Variants in PTPRT observed in about 807,000 individuals in gnomAD.
The protein encoded by PTPRT is receptor-type tyrosine-protein phosphatase T.
Under a neutral mutation model 176.8 loss-of-function variants are expected in PTPRT, and 56 were observed. The observed-to-expected ratio is 0.32, with a 90% confidence interval of 0.26 to 0.40. PTPRT has a LOEUF of 0.40. PTPRT is among the 10% of genes least tolerant of loss of function. The probability of loss-of-function intolerance (pLI) is 1.00; values close to 1 mark genes in which losing one functional copy is unlikely to be tolerated. For synonymous variants in PTPRT, 783 were observed against 739.0 expected, an observed-to-expected ratio of 1.06 and a Z score of -0.96; for missense variants, 1,540 against 1,908.2, an observed-to-expected ratio of 0.81 and a Z score of 3.60.
downstream of PTPRT, among the ~76,000 whole-genome samples, chr20:42,070,893 A>T (rs1368006230): frequency 1.3e-5 from 2 of 152,140 alleles, no homozygotes; most frequent in Non-Finnish European, 2.9e-5. Flanking sequence ...AGTGGGAGTT[A>T]TGTGAGATTT....
intron 13 of PTPRT, among the ~76,000 whole-genome samples, chr20:42,274,101 T>C (rs1452694654): frequency 1.3e-5 from 2 of 152,236 alleles, no homozygotes; most frequent in Admixed American, 6.5e-5. Context: ...TATATGGTTC[T>C]AGAGATGTCT....
chr20:42,520,866 T>C (rs927675429), intron 7 of PTPRT, among the ~76,000 whole-genome samples: 1 of 151,364 alleles, frequency 6.6e-6, no homozygotes, highest in South Asian at 2.1e-4. Flanking sequence ...GATAGATAGA[T>C]AGATAGATAG....
In PTPRT at chr20:42,578,922, T is replaced by C. The variant is rs922281638; in HGVS notation, c.1153+98944A>G. 1.7e-3 allele frequency among the ~76,000 whole-genome samples: 251 copies of C among 151,754 alleles called. 1 individual carries two copies. The highest frequency in any genetic ancestry group is 5.9e-3 in the African/African-American group (245 of 41,294). On this transcript the variant is annotated intron_variant, in intron 7 of 30. Coordinates refer to ENST00000373187, the MANE Select transcript of PTPRT (RefSeq NM_007050.6). Reference sequence around the variant, plus strand: ...TTTTTTGGGGGGGGGTCGGTTTTTATTATACTTTAAGTTTTAGGGTACATG... The same window carrying C: ...TTTTTTGGGGGGGGGTCGGTTTTTACTATACTTTAAGTTTTAGGGTACATG...
chr20:42,852,482 C>G (rs781596400), intron 2 of PTPRT, among the ~76,000 whole-genome samples: 6 of 152,120 alleles, frequency 3.9e-5, no homozygotes, highest in Non-Finnish European at 8.8e-5. Context: ...TATTTCGTAT[C>G]TGGTCCCTAA....
intron 18 of PTPRT, among the ~76,000 whole-genome samples, chr20:42,136,788 A>G (rs1435244493): frequency 6.6e-6 from 1 of 152,212 alleles, no homozygotes; most frequent in Non-Finnish European, 1.5e-5. Context: ...TCGGGGGGTG[A>G]TCCCAGGAAA....
At chr20:42,392,504 G>T (rs1354262199) in intron 9 of PTPRT, among the ~76,000 whole-genome samples, 1 of 151,778 alleles carries the variant, frequency 6.6e-6, no homozygotes, top group Non-Finnish European at 1.5e-5. Flanking sequence ...AAAAATAACT[G>T]CCATTTTGCA....
intron 7 of PTPRT, among the ~76,000 whole-genome samples, chr20:42,501,462 A>C (rs1237981991): frequency 6.6e-6 from 1 of 152,160 alleles, no homozygotes; most frequent in Non-Finnish European, 1.5e-5. Context: ...TATACCTAGA[A>C]GTGGAATTAC....
intron 18 of PTPRT, among the ~76,000 whole-genome samples, chr20:42,137,153 T>G (rs1044393115): frequency 3.9e-5 from 6 of 152,102 alleles, no homozygotes; most frequent in Non-Finnish European, 5.9e-5. Context: ...TATGGCAGGG[T>G]ACCAATGGTT....
At chr20:43,104,210 C>T (rs1470280342) in intron 1 of PTPRT, among the ~76,000 whole-genome samples, 3 of 152,134 alleles carry the variant, frequency 2.0e-5, no homozygotes, top group Non-Finnish European at 4.4e-5. Flanking sequence ...TTCATCACCT[C>T]GAATGCAGCT....
chr20:42,852,302 T>G (rs142691491), intron 2 of PTPRT, among the ~76,000 whole-genome samples: 1,611 of 152,326 alleles, frequency 0.011, 23 homozygotes, highest in African/African-American at 0.037. Context: ...TCAAGTCTTC[T>G]TTTATGTGCC....
chr20:42,052,780 T>G, the PTPRT span, among the ~76,000 whole-genome samples: 1 of 152,158 alleles, frequency 6.6e-6, no homozygotes, highest in Admixed American at 6.5e-5. Flanking sequence ...AGTCCAGGGC[T>G]CCTGCAGGCT....
At chr20:43,186,523 G>A (rs186752826) in intron 1 of PTPRT, among the ~76,000 whole-genome samples, 43 of 152,298 alleles carry the variant, frequency 2.8e-4, no homozygotes, top group Admixed American at 5.9e-4. Flanking sequence ...TCCTCTGATC[G>A]TGGCTGTGAA....
At chr20:42,957,176 C>T (rs538313438) in intron 1 of PTPRT, among the ~76,000 whole-genome samples, 2 of 152,234 alleles carry the variant, frequency 1.3e-5, no homozygotes, top group East Asian at 3.9e-4. Context: ...AGGGAAAAAT[C>T]GAAACCTAGA....
At chr20:42,286,874 A>C (rs921227857) in intron 12 of PTPRT, among the ~76,000 whole-genome samples, 1 of 151,940 alleles carries the variant, frequency 6.6e-6, no homozygotes, top group Non-Finnish European at 1.5e-5. Flanking sequence ...TTCACAACAT[A>C]CTAGGAACTC....
chr20:42,118,453 C>T lies in PTPRT; in HGVS notation c.2932G>A (p.Glu978Lys). The change falls in exon 21 of 31, where the codon GAG becomes AAG. Residue 978 changes from glutamate (E) to lysine (K), a missense_variant. Coordinates refer to ENST00000373187, the MANE Select transcript of PTPRT (RefSeq NM_007050.6). Reference protein sequence around the residue: ...VKDFWRMIWQENSASIVMVTN... With the variant: ...VKDFWRMIWQKNSASIVMVTN... ...ACCATGACGATGCTGGCGGAGTTCT[C>T]CTGCCAGATCATTCTCCAAAAGTCC... 6.2e-7 allele frequency: 1 copy of T among 1,613,246 alleles called. No individual in the cohort carries two copies. The highest frequency in any genetic ancestry group is 8.5e-7 in the Non-Finnish European group (1 of 1,179,542).
At chr20:42,199,430 T>C (rs1388012227) in intron 15 of PTPRT, 42 bp from the exon 16 acceptor site, 3 of 1,601,162 alleles carry the variant, frequency 1.9e-6, no homozygotes, top group Middle Eastern at 1.7e-4. Flanking sequence ...AGTCAGATGG[T>C]GCCAGTTGCA....
intron 12 of PTPRT, among the ~76,000 whole-genome samples, chr20:42,298,734 A>G (rs916604141): frequency 1.3e-5 from 2 of 152,178 alleles, no homozygotes; most frequent in East Asian, 3.9e-4. Flanking sequence ...CATCCTGGCC[A>G]ACATGGTTAA....
At chr20:42,996,030 A>G (rs1464697637) in intron 1 of PTPRT, among the ~76,000 whole-genome samples, 3 of 152,190 alleles carry the variant, frequency 2.0e-5, no homozygotes, top group Non-Finnish European at 4.4e-5. Flanking sequence ...ACAGAGCCTC[A>G]CTATGTTGCC....
chr20:42,706,556 C>CAT (rs2076062624), intron 6 of PTPRT, among the ~76,000 whole-genome samples: 2 of 152,056 alleles, frequency 1.3e-5, no homozygotes, highest in Non-Finnish European at 2.9e-5. Context: ...AACATATGGG[C>CAT]ACATAGGCAT....
Sources: gnomAD v4.1 joint callset for allele counts (sites outside exome capture counted in the v4.1 genomes callset) on GRCh38, gnomAD v4.1.1 for gene constraint, MANE v1.5 for transcripts, NCBI Gene and HGNC (gene_info 2026-07-23, HGNC 2026-07-21) for gene names.